The following RANBP2 variants were observed in gnomAD, a reference collection of about 807,000 sequenced individuals.
RANBP2 encodes the protein RAN binding protein 2, also known as E3 SUMO-protein ligase RanBP2.
Under a neutral mutation model 303.6 loss-of-function variants are expected in RANBP2, and 57 were observed. The ratio of observed to expected loss-of-function variants is 0.19; its 90% CI spans 0.15 to 0.23. The LOEUF (loss-of-function observed/expected upper bound fraction) is 0.23, where lower values mean the gene tolerates loss of function less well. Ranked by LOEUF, RANBP2 falls within the 10% of genes least tolerant of loss-of-function variation. The probability of loss-of-function intolerance (pLI) is 1.00; values close to 1 mark genes in which losing one functional copy is unlikely to be tolerated. For synonymous variants in RANBP2, 1,167 were observed against 1,301.5 expected (o/e 0.90, Z 2.23); for missense variants, 3,138 against 3,780.8 (o/e 0.83, Z 4.46).
chr2:108,747,069 G>A (rs1328542214), intron 8 of RANBP2, among the ~76,000 whole-genome samples: 1 of 152,146 alleles, frequency 6.6e-6, no homozygotes, highest in South Asian at 2.1e-4. Flanking sequence ...TGAATATTTA[G>A]TCACTTCCTG....
At chr2:109,282,769 CA>C in the RANBP2 span, among the ~76,000 whole-genome samples, 1 of 152,204 alleles carries the variant, frequency 6.6e-6, no homozygotes, top group Non-Finnish European at 1.5e-5. Flanking sequence ...GAGAAAGCTG[CA>C]GAAGAGCTCA....
chr2:108,799,770 A>G, the RANBP2 span, among the ~76,000 whole-genome samples: 8 of 151,956 alleles, frequency 5.3e-5, no homozygotes, highest in African/African-American at 1.9e-4. Flanking sequence ...TCCTTGTGCT[A>G]TTTCCCCAAA....
At chr2:108,723,560 C>G (rs1237005239) in intron 1 of RANBP2, among the ~76,000 whole-genome samples, 6 of 152,184 alleles carry the variant, frequency 3.9e-5, no homozygotes, top group Non-Finnish European at 8.8e-5. Context: ...CAGGCGTGAG[C>G]CACCGCGCCG....
At chr2:109,331,147 C>T in the RANBP2 span, among the ~76,000 whole-genome samples, 1 of 152,196 alleles carries the variant, frequency 6.6e-6, no homozygotes, top group South Asian at 2.1e-4. Flanking sequence ...TTTCATTCTT[C>T]CCCATCCTTT....
the RANBP2 span, among the ~76,000 whole-genome samples, chr2:109,270,143 C>T: frequency 2.6e-5 from 4 of 152,340 alleles, no homozygotes; most frequent in Non-Finnish European, 5.9e-5. Context: ...GTCTCAGCCC[C>T]CACCTGGGGG....
chr2:109,434,943 T>C, the RANBP2 span, among the ~76,000 whole-genome samples: 2 of 152,222 alleles, frequency 1.3e-5, no homozygotes, highest in Non-Finnish European at 2.9e-5. Context: ...TATGGGAAGA[T>C]CCTCCAGCTC....
chr2:108,854,064 ATT>A, the RANBP2 span, among the ~76,000 whole-genome samples: 1 of 126,420 alleles, frequency 7.9e-6, no homozygotes, highest in African/African-American at 3.1e-5. Context: ...TATTATATAT[ATT>A]TTATATATAA....
At chr2:109,227,218 A>C in the RANBP2 span, among the ~76,000 whole-genome samples, 7 of 152,188 alleles carry the variant, frequency 4.6e-5, no homozygotes, top group African/African-American at 1.7e-4. Flanking sequence ...GATCCCACCC[A>C]GGCCTCAGGG....
At chr2:109,152,696 C>T in the RANBP2 span, among the ~76,000 whole-genome samples, 1 of 152,034 alleles carries the variant, frequency 6.6e-6, no homozygotes, top group Admixed American at 6.6e-5. Context: ...GAACCCAGCT[C>T]ATCATTGGAA....
the RANBP2 span, among the ~76,000 whole-genome samples, chr2:109,285,099 T>C: frequency 2.6e-5 from 4 of 152,220 alleles, no homozygotes; most frequent in Non-Finnish European, 2.9e-5. Context: ...TGTCACCCCT[T>C]AGCCCAGTCT....
chr2:109,219,372 A>G, the RANBP2 span, among the ~76,000 whole-genome samples: 2 of 152,220 alleles, frequency 1.3e-5, no homozygotes, highest in African/African-American at 4.8e-5. Flanking sequence ...CCATCACTTA[A>G]TAAAACAAGG....
chr2:108,875,146 T>C, the RANBP2 span, among the ~76,000 whole-genome samples: 2,427 of 151,832 alleles, frequency 0.016, 217 homozygotes, highest in Admixed American at 0.14. Flanking sequence ...ACATAAGAGT[T>C]TGTATTAGGA....
At chr2:109,051,151 G>C in the RANBP2 span, among the ~76,000 whole-genome samples, 1 of 152,194 alleles carries the variant, frequency 6.6e-6, no homozygotes, top group African/African-American at 2.4e-5. Context: ...TTACTCAGTT[G>C]AAGGATTCAA....
At chr2:109,285,822 C>T in the RANBP2 span, among the ~76,000 whole-genome samples, 1 of 152,228 alleles carries the variant, frequency 6.6e-6, no homozygotes, top group Non-Finnish European at 1.5e-5. Flanking sequence ...CAGTCCTGGC[C>T]TTGTTGGCTT....
the RANBP2 span, among the ~76,000 whole-genome samples, chr2:109,215,126 T>A: frequency 6.6e-6 from 1 of 152,174 alleles, no homozygotes; most frequent in Non-Finnish European, 1.5e-5. Flanking sequence ...CAATTGACCG[T>A]GTTAAGCATC....
chr2:108,834,835 G>A, the RANBP2 span, among the ~76,000 whole-genome samples: 1 of 152,188 alleles, frequency 6.6e-6, no homozygotes, highest in African/African-American at 2.4e-5. Flanking sequence ...AGTATCTCAT[G>A]TAAGTGGCAC....
chr2:109,628,651 T>A, the RANBP2 span, among the ~76,000 whole-genome samples: 1 of 152,200 alleles, frequency 6.6e-6, no homozygotes, highest in Non-Finnish European at 1.5e-5. Context: ...CATTTTTTTC[T>A]GCTAACCTCG....
the RANBP2 span, among the ~76,000 whole-genome samples, chr2:108,833,378 A>G: frequency 9.2e-5 from 14 of 152,236 alleles, no homozygotes; most frequent in Non-Finnish European, 1.9e-4. Flanking sequence ...CTTCCTGCTC[A>G]GTACACTCAG....
chr2:109,609,703 C>T, the RANBP2 span, among the ~76,000 whole-genome samples: 1 of 150,476 alleles, frequency 6.6e-6, no homozygotes, highest in Non-Finnish European at 1.5e-5. Flanking sequence ...CTCTTAGATA[C>T]GAAAATTATC....
Sources: allele counts gnomAD v4.1 joint callset (sites outside exome capture counted in the v4.1 genomes callset), GRCh38; gene constraint gnomAD v4.1.1; transcripts MANE v1.5; gene names NCBI Gene and HGNC (gene_info 2026-07-23, HGNC 2026-07-21).